NMS: variants seen among roughly 807,000 people sequenced by gnomAD.
The protein encoded by NMS is neuromedin-S.
NMS carries 30 observed loss-of-function variants against 32.2 expected under a neutral mutation model. The ratio of observed to expected loss-of-function variants is 0.93; its 90% CI spans 0.70 to 1.26. The LOEUF (loss-of-function observed/expected upper bound fraction) is 1.26. Ranked by LOEUF, NMS falls within the 50% of genes most tolerant of loss-of-function variation. NMS has a pLI of 0.00. For missense variants in NMS, 190 were observed against 186.3 expected, an observed-to-expected ratio of 1.02 and a Z score of -0.12; for synonymous variants, 76 against 58.5, an observed-to-expected ratio of 1.30 and a Z score of -1.37.
rs751385673 is a variant in NMS at position 100,473,550 on chromosome 2, G to T, written c.183+11G>T. 2.5e-6 allele frequency: 3 copies of T among 1,188,758 alleles called. No individual in the cohort carries two copies. The highest frequency in any genetic ancestry group is 3.5e-6 in the Non-Finnish European group (3 of 866,802). 73.6% of individuals were successfully genotyped at this position (1,188,758 alleles called of 1,614,324 possible). On this transcript the variant is annotated intron_variant, in intron 3 of 9. Transcript: ENST00000376865. ...TCTCGCCAACCTAAGGTAAAAAAAT[G>T]TGTATATATATAATATATATAAAAT...
chr2:100,475,785 A>T (rs768924257), intron 3 of NMS, among the ~76,000 whole-genome samples: 1 of 152,070 alleles, frequency 6.6e-6, no homozygotes, highest in Non-Finnish European at 1.5e-5. Flanking sequence ...AGATCACTTG[A>T]GGTCAGGAGT....
At chr2:100,482,149 A>G in intron 8 of NMS, 128 bp from the exon 9 acceptor site, 4 of 890,542 alleles carry the variant, frequency 4.5e-6, no homozygotes, top group Non-Finnish European at 7.4e-6. Flanking sequence ...GTGAGTCCCC[A>G]TGGAGGGGAG....
In NMS at chr2:100,481,405, T is replaced by TG. The variant is rs551974344; in HGVS notation, c.414+238_414+239insG. Among the ~76,000 whole-genome samples, 1,076 of 152,314 alleles carry TG rather than the reference T, an allele frequency of 7.1e-3. 5 individuals are homozygous for TG. The highest frequency in any genetic ancestry group is 0.01 in the Non-Finnish European group (695 of 68,024). On this transcript the variant is annotated intron_variant, in intron 8 of 9. Transcript: ENST00000376865. ...CACCAGAGTAGGCGTAAGGGAGTTC[T>TG]TCTGACAGACAGACACAAGGTAGAC... is the stretch of plus-strand genomic sequence containing the variant.
chr2:100,479,053 T>C (rs1303484883), intron 5 of NMS, among the ~76,000 whole-genome samples: 3 of 152,138 alleles, frequency 2.0e-5, no homozygotes, highest in South Asian at 4.1e-4. Flanking sequence ...GAGCTGCTTC[T>C]AGGACAAGGC....
rs758919174 is a variant in NMS, at chr2:100,477,272, G to A, written c.207+5G>A. 5 of 1,613,068 alleles carry A rather than the reference G, an allele frequency of 3.1e-6. No homozygotes were observed. The highest frequency in any genetic ancestry group is 2.2e-5 in the East Asian group (1 of 44,868). On this transcript the variant is annotated splice_donor_5th_base_variant and intron_variant, in intron 4 of 9. Coordinates refer to ENST00000376865, the MANE Select transcript of NMS (RefSeq NM_001011717.1). The stretch of plus-strand genomic sequence containing the variant: ...AATCAAGACATATACAAAAGGGTGA[G>A]TACCACCTAGCCCTGTACAAGTGCA...
chr2:100,482,365 ATG>A (rs1677236162), intron 9 of NMS, 54 bp downstream of exon 9: 1 of 1,547,684 alleles, frequency 6.5e-7, no homozygotes, highest in South Asian at 1.1e-5. Context: ...AGCAAATTTT[ATG>A]TGTCTGACTG....
intron 7 of NMS, 41 bp downstream of exon 7, chr2:100,480,572 C>T (rs1243746719): frequency 1.2e-6 from 2 of 1,610,154 alleles, no homozygotes; most frequent in Non-Finnish European, 1.7e-6. Context: ...CAAAGAAAGC[C>T]CTACCCGAGA....
At chr2:100,479,539 T>C in intron 6 of NMS, 112 bp downstream of exon 6, 1 of 938,388 alleles carries the variant, frequency 1.1e-6, no homozygotes, top group Non-Finnish European at 1.6e-6. Context: ...CAAATCTTAG[T>C]CTCCACCTTG....
chr2:100,473,404 C>G, intron 2 of NMS, 85 bp from the exon 3 acceptor site: 1 of 622,136 alleles, frequency 1.6e-6, no homozygotes, highest in Non-Finnish European at 2.6e-6. Flanking sequence ...TTTCTTCTAT[C>G]TAATTGTATT....
intron 3 of NMS, among the ~76,000 whole-genome samples, chr2:100,474,928 C>T (rs1484297121): frequency 1.3e-5 from 2 of 152,198 alleles, no homozygotes; most frequent in African/African-American, 4.8e-5. Context: ...CCCTTTGTTA[C>T]TTCCTCCACA....
chr2:100,477,518 G>T, intron 5 of NMS, 104 bp downstream of exon 5: 1 of 803,094 alleles, frequency 1.2e-6, no homozygotes, highest in African/African-American at 1.7e-5. Context: ...TGGGGGCTCC[G>T]GACATCCTCT....
intron 2 of NMS, 79 bp from the exon 3 acceptor site, chr2:100,473,410 G>C: frequency 1.5e-6 from 1 of 675,268 alleles, no homozygotes. Context: ...CTATCTAATT[G>C]TATTTGATTA....
intron 8 of NMS, 38 bp from the exon 9 acceptor site, chr2:100,482,237 TTG>T: frequency 6.3e-7 from 1 of 1,599,796 alleles, no homozygotes; most frequent in Non-Finnish European, 8.6e-7. Flanking sequence ...CTGCAGAAAG[TTG>T]TGTCTCAGTA....
In NMS at chr2:100,482,324, AG is replaced by A. The variant is rs766969244; in HGVS notation, c.449+14del. 6.2e-7 allele frequency: 1 copy of A among 1,613,432 alleles called. No homozygotes were observed. Among genetic ancestry groups the A allele is most frequent in the Non-Finnish European group, 8.5e-7 (1 of 1,179,522 alleles). ...AAGATGAGGCCCAGTAGGTAGTCCA[AG>A]ATCAGCTTCATCACCCTTTTTCTCT... On this transcript the variant is annotated intron_variant, in intron 9 of 9. Coordinates refer to ENST00000376865, the MANE Select transcript of NMS (RefSeq NM_001011717.1).
At chr2:100,477,470 T>C in intron 5 of NMS, 56 bp downstream of exon 5, 1 of 1,307,166 alleles carries the variant, frequency 7.7e-7, no homozygotes, top group Non-Finnish European at 1.1e-6. Flanking sequence ...CTGCATGTCG[T>C]CCATCCTTTC....
At chr2:100,472,259 TGAGAA>T (rs59049305) in intron 1 of NMS, among the ~76,000 whole-genome samples, 37,216 of 151,820 alleles carry the variant, frequency 0.25, 4,732 homozygotes, top group East Asian at 0.34. Flanking sequence ...CACAGGCAAG[TGAGAA>T]GAGGAGTTCA....
chr2:100,473,016 T>A (rs904231874), intron 2 of NMS, among the ~76,000 whole-genome samples, 166 bp downstream of exon 2: 3 of 152,204 alleles, frequency 2.0e-5, no homozygotes, highest in Admixed American at 6.5e-5. Context: ...GAGGGTTGTG[T>A]TGAAATTCAC....
intron 1 of NMS, 144 bp from the exon 2 acceptor site, chr2:100,472,651 T>A: frequency 1.7e-6 from 1 of 572,794 alleles, no homozygotes. Context: ...TCAGATCAGA[T>A]CTTACTTTCC....
chr2:100,474,765 T>G (rs1362772615), intron 3 of NMS, among the ~76,000 whole-genome samples: 1 of 152,250 alleles, frequency 6.6e-6, no homozygotes, highest in African/African-American at 2.4e-5. Flanking sequence ...CATCAGTTTC[T>G]CAAATTTCAT....
Sources: allele counts gnomAD v4.1 joint callset (sites outside exome capture counted in the v4.1 genomes callset), GRCh38; gene constraint gnomAD v4.1.1; transcripts MANE v1.5; gene names NCBI Gene and HGNC (gene_info 2026-07-23, HGNC 2026-07-21).